The following CABLES1 variants were observed in gnomAD, a reference collection of about 807,000 sequenced individuals.
CABLES1 encodes CDK5 and ABL1 enzyme substrate 1.
Under a neutral mutation model 57.8 loss-of-function variants are expected in CABLES1, and 36 were observed. That is an observed-to-expected ratio of 0.62 (90% CI 0.48 to 0.82). The LOEUF (loss-of-function observed/expected upper bound fraction) is 0.82. CABLES1 is among the 40% of genes least tolerant of loss of function. CABLES1 has a pLI of 0.00. For synonymous variants in CABLES1, 374 were observed against 363.0 expected, an observed-to-expected ratio of 1.03 and a Z score of -0.35; for missense variants, 767 against 836.6, an observed-to-expected ratio of 0.92 and a Z score of 1.03.
chr18:23,155,148 C>T (rs915534941), intron 1 of CABLES1, among the ~76,000 whole-genome samples: 3 of 152,084 alleles, frequency 2.0e-5, no homozygotes, highest in Non-Finnish European at 4.4e-5. Flanking sequence ...GTGCAATGTT[C>T]GTTATGCGTA....
chr18:23,234,090 C>T (rs996335543), intron 4 of CABLES1, among the ~76,000 whole-genome samples: 9 of 152,108 alleles, frequency 5.9e-5, no homozygotes, highest in South Asian at 2.1e-4. Flanking sequence ...TGGTGGTGCG[C>T]GCCTGTAATC....
At chr18:23,154,264 C>G (rs183400973) in intron 1 of CABLES1, among the ~76,000 whole-genome samples, 1 of 152,332 alleles carries the variant, frequency 6.6e-6, no homozygotes. Context: ...GGTAACTAAA[C>G]AAGCACCCGG....
rs368271172 is a variant in CABLES1, at chr18:23,253,921, C to G, written c.1746C>G (p.Val582=). ...GAAGTGACCTCAAAAAACACGAAGT[C>G]AAGCATTTAATTGACGTAAGTAGCC... ...KIGSDLKKHE[V]KHLIDKLEEK... The change falls in exon 9 of 10, where the codon GTC becomes GTG. Residue 582 remains valine (V), a synonymous_variant. Coordinates refer to ENST00000256925, the MANE Select transcript of CABLES1 (RefSeq NM_001100619.3). 1 of 1,613,964 alleles carries G rather than the reference C, an allele frequency of 6.2e-7. No individual in the cohort carries two copies. Among genetic ancestry groups the G allele is most frequent in the Non-Finnish European group, 8.5e-7 (1 of 1,180,016 alleles).
chr18:23,241,287 C>T (rs79011609), intron 7 of CABLES1, among the ~76,000 whole-genome samples: 71 of 151,952 alleles, frequency 4.7e-4, no homozygotes, highest in Non-Finnish European at 8.2e-4. Flanking sequence ...TTTGGGAGGC[C>T]GAGGTGGGTA....
chr18:23,212,795 G>C (rs2047414239), intron 3 of CABLES1, among the ~76,000 whole-genome samples: 2 of 152,286 alleles, frequency 1.3e-5, no homozygotes, highest in South Asian at 2.1e-4. Context: ...TCCATGAAGA[G>C]GGGCAGGAAA....
chr18:23,208,440 G>T (rs942103524), intron 3 of CABLES1, among the ~76,000 whole-genome samples: 1 of 152,212 alleles, frequency 6.6e-6, no homozygotes, highest in Non-Finnish European at 1.5e-5. Flanking sequence ...GACGGAAAGG[G>T]GTCAAGTCCC....
At position 23,247,065 on chromosome 18, in the gene CABLES1, A is replaced by G. The variant is rs907204805; in HGVS notation, c.1447-5895A>G. Reference sequence around the variant, plus strand: ...CCTGACTTTTCATTTCTTCAGTCCCACACCAGAAAGAATGAGTGGCTGAGG... The same window carrying G: ...CCTGACTTTTCATTTCTTCAGTCCCGCACCAGAAAGAATGAGTGGCTGAGG... On this transcript the variant is annotated intron_variant, in intron 7 of 9. Transcript: ENST00000256925. 5.3e-5 allele frequency among the ~76,000 whole-genome samples: 8 copies of G among 152,222 alleles called. No individual in the cohort carries two copies. The East Asian group carries it at 1.3e-3, about 26-fold the overall frequency.
Position 23,213,959 on chromosome 18 carries a change from C to T in CABLES1, c.1011-18C>T, listed in dbSNP as rs757076696. 1 of 1,525,774 alleles carries T rather than the reference C, an allele frequency of 6.6e-7. No homozygotes were observed. Among genetic ancestry groups the T allele is most frequent in the Non-Finnish European group, 9.0e-7 (1 of 1,114,682 alleles). The allele number at this position is 1,525,774 out of a possible 1,614,324, so 94.5% of individuals were successfully genotyped here. ...GCATTTAGTGTGTTTGTTGTTTGTTCTTCTTTTTATTTTTTAGAATAGTCC... is the reference window on the plus strand; with the variant it reads ...GCATTTAGTGTGTTTGTTGTTTGTTTTTCTTTTTATTTTTTAGAATAGTCC... On this transcript the variant is annotated intron_variant, in intron 3 of 9. Coordinates refer to ENST00000256925, the MANE Select transcript of CABLES1 (RefSeq NM_001100619.3).
chr18:23,167,989 C>T (rs934345102), intron 1 of CABLES1, among the ~76,000 whole-genome samples: 1 of 152,234 alleles, frequency 6.6e-6, no homozygotes, highest in Non-Finnish European at 1.5e-5. Context: ...AAGGTGATGC[C>T]AGCAGCTGTG....
intron 7 of CABLES1, among the ~76,000 whole-genome samples, chr18:23,244,459 G>A (rs554853267): frequency 2.6e-5 from 4 of 152,322 alleles, no homozygotes; most frequent in African/African-American, 7.2e-5. Flanking sequence ...TAGGCTACCC[G>A]TTTATTTCCA....
chr18:23,253,820 G>A lies in CABLES1; in HGVS notation c.1645G>A (p.Ala549Thr), dbSNP rs758005604. The A allele has an allele frequency of 1.1e-4, 176 of 1,614,114 alleles. 2 individuals are homozygous for A. Among genetic ancestry groups the A allele is most frequent in the South Asian group, 8.1e-4 (74 of 91,082 alleles). Residue 549 changes from alanine (A) to threonine (T), a missense_variant, in exon 9 of 10, where the codon GCC becomes ACC. Physicochemically the swap from Ala to Thr is moderately conservative, Grantham distance 58. Coordinates refer to ENST00000256925, the MANE Select transcript of CABLES1 (RefSeq NM_001100619.3). ...GGCCTTCGTCTACTTTGAAAAGCTC[G>A]CCCTCAAGGGGAAACTCAACAAACA... is the stretch of plus-strand genomic sequence containing the variant. ...AMAFVYFEKL[A>T]LKGKLNKQNR... is the part of the protein sequence containing the mutation.
At chr18:23,218,771 AC>A (rs1218247031) in intron 4 of CABLES1, among the ~76,000 whole-genome samples, 1 of 152,266 alleles carries the variant, frequency 6.6e-6, no homozygotes, top group Non-Finnish European at 1.5e-5. Flanking sequence ...AAGCAGACAG[AC>A]CAACCTTAGG....
chr18:23,185,048 C>T (rs1037298745), intron 1 of CABLES1, among the ~76,000 whole-genome samples: 12 of 152,172 alleles, frequency 7.9e-5, no homozygotes, highest in African/African-American at 2.4e-4. Context: ...TGAATTCACA[C>T]CTGTTCAGCT....
intron 1 of CABLES1, among the ~76,000 whole-genome samples, chr18:23,141,194 C>G (rs989374314): frequency 2.0e-4 from 31 of 152,164 alleles, no homozygotes; most frequent in African/African-American, 7.2e-4. Context: ...TGTTAAGTGG[C>G]CTGCCCAAGG....
intron 7 of CABLES1, among the ~76,000 whole-genome samples, chr18:23,248,404 G>A (rs559673539): frequency 2.0e-4 from 31 of 152,178 alleles, no homozygotes; most frequent in African/African-American, 6.0e-4. Flanking sequence ...AAGAGGAGCC[G>A]GTGCAGGGGC....
chr18:23,249,799 C>T (rs914808947), intron 7 of CABLES1, among the ~76,000 whole-genome samples: 6 of 152,070 alleles, frequency 3.9e-5, no homozygotes, highest in African/African-American at 1.4e-4. Flanking sequence ...TCTCGGACAT[C>T]CTGGTGAGAG....
intron 7 of CABLES1, among the ~76,000 whole-genome samples, chr18:23,241,756 T>C (rs1287241515): frequency 2.6e-5 from 4 of 152,330 alleles, no homozygotes; most frequent in East Asian, 3.9e-4. Context: ...TGTTTATCTT[T>C]GTGCGTGTGT....
intron 2 of CABLES1, among the ~76,000 whole-genome samples, chr18:23,190,690 A>G (rs2047236112): frequency 6.6e-6 from 1 of 152,196 alleles, no homozygotes; most frequent in African/African-American, 2.4e-5. Context: ...CTGAACCTCA[A>G]ATCTTGTTAT....
At position 23,194,300 on chromosome 18, in the gene CABLES1, G is replaced by T. The variant is rs536124192; in HGVS notation, c.918-148G>T. On this transcript the variant is annotated intron_variant, in intron 2 of 9. Coordinates refer to ENST00000256925, the MANE Select transcript of CABLES1 (RefSeq NM_001100619.3). The stretch of plus-strand genomic sequence containing the variant: ...TTTTTAAGCTTCCTTGCTTCCAGCC[G>T]TGTTGTCTTCATTATCCTCGCGGAC... 9 of 557,644 alleles carry T rather than the reference G, an allele frequency of 1.6e-5. No homozygotes were observed. In the South Asian group the frequency reaches 2.0e-4, roughly 12 times the overall value. The allele number at this position is 557,644 out of a possible 1,614,324, so 34.5% of individuals were successfully genotyped here.
Sources: allele counts gnomAD v4.1 joint callset (sites outside exome capture counted in the v4.1 genomes callset), GRCh38; gene constraint gnomAD v4.1.1; transcripts MANE v1.5; gene names NCBI Gene and HGNC (gene_info 2026-07-23, HGNC 2026-07-21).